Variants in LAP3 observed in about 807,000 individuals in gnomAD.
The protein encoded by LAP3 is cytosol aminopeptidase.
A neutral mutation model predicts 58.8 loss-of-function variants in LAP3; 46 were observed. The ratio of observed to expected loss-of-function variants is 0.78; its 90% CI spans 0.62 to 1.00. The LOEUF (loss-of-function observed/expected upper bound fraction) is 1.00, where lower values mean the gene tolerates loss of function less well. Ranked by LOEUF, LAP3 falls within the 50% of genes least tolerant of loss-of-function variation. LAP3 has a pLI of 0.00. For missense variants in LAP3, 615 were observed against 659.1 expected, an observed-to-expected ratio of 0.93 and a Z score of 0.73; for synonymous variants, 257 against 237.7, an observed-to-expected ratio of 1.08 and a Z score of -0.75.
intron 10 of LAP3, among the ~76,000 whole-genome samples, chr4:17,599,487 G>A (rs1368263453): frequency 1.3e-5 from 2 of 152,122 alleles, no homozygotes; most frequent in African/African-American, 4.8e-5. Flanking sequence ...AGTGAGCCGA[G>A]ATCATGCCAC....
chr4:17,593,748 G>A (rs1713761456), intron 7 of LAP3, among the ~76,000 whole-genome samples: 1 of 151,070 alleles, frequency 6.6e-6, no homozygotes, highest in Admixed American at 6.6e-5. Flanking sequence ...GAGTAGCTGG[G>A]ACTACAGATG....
chr4:17,593,618 T>C (rs987676735), intron 7 of LAP3, among the ~76,000 whole-genome samples: 1 of 137,620 alleles, frequency 7.3e-6, no homozygotes, highest in African/African-American at 2.7e-5. Context: ...GGTTTTTTTT[T>C]TTTTTTTTTT....
At position 17,595,549 on chromosome 4, in the gene LAP3, G is replaced by A. The variant is rs200648675; in HGVS notation, c.988+15G>A. ...TAATATTATAGGTAAGTGGGGTAAC[G>A]GATTACATCTCATAACGCTTCTGGA... On this transcript the variant is annotated intron_variant, in intron 8 of 12. Transcript: ENST00000226299. The A allele has an allele frequency of 2.5e-6, 4 of 1,612,354 alleles. No individual in the cohort carries two copies. Among genetic ancestry groups the A allele is most frequent in the African/African-American group, 1.3e-5 (1 of 74,872 alleles).
At chr4:17,591,702 G>T (rs1713692166) in intron 7 of LAP3, among the ~76,000 whole-genome samples, 1 of 152,124 alleles carries the variant, frequency 6.6e-6, no homozygotes, top group African/African-American at 2.4e-5. Flanking sequence ...AGGCTGTAAG[G>T]TGGGAAGGAG....
chr4:17,591,489 G>C (rs2109020911), intron 7 of LAP3, among the ~76,000 whole-genome samples: 1 of 152,238 alleles, frequency 6.6e-6, no homozygotes, highest in South Asian at 2.1e-4. Flanking sequence ...TTATGCTAAG[G>C]GTGAAGTTTA....
chr4:17,594,897 G>T (rs545383364), intron 7 of LAP3, among the ~76,000 whole-genome samples: 1 of 152,120 alleles, frequency 6.6e-6, no homozygotes, highest in Non-Finnish European at 1.5e-5. Flanking sequence ...GACTATGTGG[G>T]TGTCAGGAGT....
chr4:17,603,275 T>G (rs555891709), intron 10 of LAP3, among the ~76,000 whole-genome samples: 53 of 151,966 alleles, frequency 3.5e-4, no homozygotes, highest in African/African-American at 1.2e-3. Context: ...ACCACTGCAC[T>G]CCAGCCTGGG....
At chr4:17,602,998 A>G (rs753297778) in intron 10 of LAP3, among the ~76,000 whole-genome samples, 4 of 151,382 alleles carry the variant, frequency 2.6e-5, no homozygotes, top group Non-Finnish European at 5.9e-5. Context: ...GAATAGGATA[A>G]ATTTTTAAAG....
At chr4:17,594,044 T>C (rs1168454562) in intron 7 of LAP3, among the ~76,000 whole-genome samples, 1 of 152,176 alleles carries the variant, frequency 6.6e-6, no homozygotes, top group Non-Finnish European at 1.5e-5. Context: ...AAAGACCCGT[T>C]AAGGAGACCT....
At chr4:17,601,712 G>C (rs1713984677) in intron 10 of LAP3, among the ~76,000 whole-genome samples, 1 of 152,054 alleles carries the variant, frequency 6.6e-6, no homozygotes, top group South Asian at 2.1e-4. Flanking sequence ...GTCATCTCTA[G>C]ATTAGTTATA....
intron 7 of LAP3, among the ~76,000 whole-genome samples, chr4:17,593,308 T>C (rs954256439): frequency 6.6e-6 from 1 of 152,172 alleles, no homozygotes; most frequent in East Asian, 1.9e-4. Context: ...TGGTTTGTTT[T>C]TGTCTTTTTT....
At chr4:17,584,905 C>G (rs1713461297) in intron 5 of LAP3, 67 bp from the exon 6 acceptor site, 16 of 1,491,642 alleles carry the variant, frequency 1.1e-5, no homozygotes, top group Non-Finnish European at 1.5e-5. Context: ...AAGAGTGTCT[C>G]TTAGTTGGCA....
chr4:17,606,995 C>T, intron 12 of LAP3, 57 bp downstream of exon 12: 2 of 1,145,282 alleles, frequency 1.7e-6, no homozygotes, highest in Non-Finnish European at 2.6e-6. Flanking sequence ...GCCAAAATAG[C>T]TATTTTCAAT....
At chr4:17,606,975 A>T (rs759579894) in intron 12 of LAP3, 37 bp downstream of exon 12, 1 of 1,343,764 alleles carries the variant, frequency 7.4e-7, no homozygotes, top group Non-Finnish European at 1.1e-6. Context: ...TTATACAATC[A>T]TCCTTGATTG....
intron 1 of LAP3, 81 bp downstream of exon 1, chr4:17,577,648 G>T: frequency 8.9e-7 from 1 of 1,129,466 alleles, no homozygotes; most frequent in Non-Finnish European, 1.3e-6. Context: ...GGTCGAAGCC[G>T]CGGTGTCCTG....
At chr4:17,598,680 A>G in intron 10 of LAP3, 122 bp downstream of exon 10, 1 of 657,144 alleles carries the variant, frequency 1.5e-6, no homozygotes, top group South Asian at 1.8e-5. Flanking sequence ...GCATTCAAAG[A>G]TCTTTCACCA....
chr4:17,592,458 A>G (rs1321723570), intron 7 of LAP3, among the ~76,000 whole-genome samples: 1 of 152,174 alleles, frequency 6.6e-6, no homozygotes, highest in African/African-American at 2.4e-5. Flanking sequence ...TTGTTTACCC[A>G]TTCATCTATT....
intron 2 of LAP3, among the ~76,000 whole-genome samples, chr4:17,580,186 T>TATATATATATATATATATATA (rs58358985): frequency 3.3e-5 from 1 of 30,204 alleles, no homozygotes; most frequent in African/African-American, 2.3e-4. Flanking sequence ...ATATATGTAT[T>TATATATATATATATATATATA]TTTTTTTTTT....
intron 10 of LAP3, among the ~76,000 whole-genome samples, chr4:17,600,224 C>T (rs1330027406): frequency 6.6e-6 from 1 of 152,044 alleles, no homozygotes; most frequent in East Asian, 1.9e-4. Context: ...TTTATTCTTG[C>T]CCTGGTCATG....
Sources: allele counts gnomAD v4.1 joint callset (sites outside exome capture counted in the v4.1 genomes callset), GRCh38; gene constraint gnomAD v4.1.1; transcripts MANE v1.5; gene names NCBI Gene and HGNC (gene_info 2026-07-23, HGNC 2026-07-21).